The following TMEM163 variants were observed in gnomAD, a reference collection of about 807,000 sequenced individuals.
TMEM163 encodes transmembrane protein 163.
In TMEM163, 17 loss-of-function variants were observed where a neutral mutation model predicts 29.3. The ratio of observed to expected loss-of-function variants is 0.58; its 90% CI spans 0.40 to 0.87. TMEM163 has a LOEUF of 0.87. Among genes scored for constraint, TMEM163 ranks in the 40% least tolerant of loss-of-function variants. The probability of loss-of-function intolerance (pLI) is 0.00; values close to 1 mark genes in which losing one functional copy is unlikely to be tolerated. For synonymous variants in TMEM163, 157 were observed against 160.6 expected (o/e 0.98, Z 0.17); for missense variants, 303 against 381.5 (o/e 0.79, Z 1.71).
chr2:134,456,657 A>C lies in TMEM163; in HGVS notation c.*59T>G. On this transcript the variant is annotated 3_prime_UTR_variant, in exon 8 of 8. Transcript: ENST00000281924. ...ACCAGATGTTCAGTTAAATATTGGCACCCTTTGCCTATGTGGAAACTCCTC... is the reference window on the plus strand; with the variant it reads ...ACCAGATGTTCAGTTAAATATTGGCCCCCTTTGCCTATGTGGAAACTCCTC... 1.3e-6 allele frequency: 2 copies of C among 1,582,220 alleles called. No homozygotes were observed. The highest frequency in any genetic ancestry group is 1.7e-6 in the Non-Finnish European group (2 of 1,154,372).
intron 2 of TMEM163, among the ~76,000 whole-genome samples, chr2:134,565,720 A>G (rs1354985182): frequency 2.6e-5 from 4 of 152,264 alleles, no homozygotes; most frequent in Non-Finnish European, 4.4e-5. Context: ...ACATTGGTCA[A>G]TAGTAGAAAT....
chr2:134,675,351 G>A (rs951640304), intron 2 of TMEM163, among the ~76,000 whole-genome samples: 1 of 152,198 alleles, frequency 6.6e-6, no homozygotes, highest in Non-Finnish European at 1.5e-5. Flanking sequence ...GTAGGCATAA[G>A]GAGAATTTAT....
intron 2 of TMEM163, among the ~76,000 whole-genome samples, chr2:134,573,684 T>C (rs1273273792): frequency 1.3e-5 from 2 of 152,184 alleles, no homozygotes; most frequent in Non-Finnish European, 2.9e-5. Context: ...TTAAGTGCAA[T>C]GACATATAAT....
rs147844426 is a variant in TMEM163, at chr2:134,710,163, C to A, written c.322+3037G>T. 7.9e-5 allele frequency among the ~76,000 whole-genome samples: 12 copies of A among 152,274 alleles called. No homozygotes were observed. In the East Asian group the frequency reaches 2.1e-3, roughly 27 times the overall value. The stretch of plus-strand genomic sequence containing the variant: ...CCACCTTAGGCACATGTTTTTAAGA[C>A]CTCCTGAGACTGTGTCAAAAGCGCG... On this transcript the variant is annotated intron_variant, in intron 2 of 7. Transcript: ENST00000281924.
chr2:134,507,378 A>C lies in TMEM163; in HGVS notation c.459-4381T>G, dbSNP rs549417193. 1.8e-3 allele frequency among the ~76,000 whole-genome samples: 278 copies of C among 150,320 alleles called. 1 individual carries two copies. Among genetic ancestry groups the C allele is most frequent in the African/African-American group, 6.4e-3 (262 of 40,848 alleles). ...TAAATAAATAAATAAATAAATAAAT[A>C]CCCACCGGATCAGTGGTTGTCACAG... On this transcript the variant is annotated intron_variant, in intron 4 of 7. Coordinates refer to ENST00000281924, the MANE Select transcript of TMEM163 (RefSeq NM_030923.5).
At chr2:134,631,455 CAAG>C (rs1682968384) in intron 2 of TMEM163, among the ~76,000 whole-genome samples, 1 of 152,170 alleles carries the variant, frequency 6.6e-6, no homozygotes, top group Non-Finnish European at 1.5e-5. Context: ...CACTAACCCC[CAAG>C]AAGTAGTGAC....
intron 2 of TMEM163, among the ~76,000 whole-genome samples, chr2:134,570,955 T>C (rs1203953759): frequency 1.3e-5 from 2 of 152,220 alleles, no homozygotes; most frequent in East Asian, 1.9e-4. Flanking sequence ...CTCATTTATT[T>C]TGCTTAAACT....
At chr2:134,490,109 C>T (rs541025861) in intron 5 of TMEM163, among the ~76,000 whole-genome samples, 1 of 152,194 alleles carries the variant, frequency 6.6e-6, no homozygotes, top group African/African-American at 2.4e-5. Context: ...CTTTGAGAGA[C>T]AAGTAGACAA....
At chr2:134,650,032 T>C (rs1295882319) in intron 2 of TMEM163, among the ~76,000 whole-genome samples, 2 of 131,290 alleles carry the variant, frequency 1.5e-5, no homozygotes, top group African/African-American at 2.9e-5. Context: ...AAAAGAATGA[T>C]GTAGGTCTGC....
intron 4 of TMEM163, among the ~76,000 whole-genome samples, chr2:134,523,160 A>G (rs992286087): frequency 4.6e-5 from 7 of 152,218 alleles, no homozygotes; most frequent in Non-Finnish European, 1.0e-4. Flanking sequence ...GCTTTGTGTA[A>G]AAAGGGCTTC....
In TMEM163 at chr2:134,506,879, G is replaced by C. The variant is rs143890235; in HGVS notation, c.459-3882C>G. On this transcript the variant is annotated intron_variant, in intron 4 of 7. Coordinates refer to ENST00000281924, the MANE Select transcript of TMEM163 (RefSeq NM_030923.5). ...CAATCCCTGGCCTCAACCCAGAAAG[G>C]CTGGCCTGGCCAGTAACAAGGGCAT... is the stretch of plus-strand genomic sequence containing the variant. Among the ~76,000 whole-genome samples, 27 of 152,332 alleles carry C rather than the reference G, an allele frequency of 1.8e-4. 1 individual carries two copies. The highest frequency in any genetic ancestry group is 3.4e-3 in the Middle Eastern group (1 of 294).
intron 2 of TMEM163, among the ~76,000 whole-genome samples, chr2:134,593,809 AT>A (rs199837410): frequency 0.048 from 6,959 of 144,466 alleles, 191 homozygotes; most frequent in Admixed American, 0.097. Context: ...GACTCTGGGA[AT>A]TTTTTTTTTT....
intron 2 of TMEM163, among the ~76,000 whole-genome samples, chr2:134,664,307 G>T (rs1206342494): frequency 6.6e-6 from 1 of 152,200 alleles, no homozygotes; most frequent in Admixed American, 6.5e-5. Flanking sequence ...GTCAACTTCA[G>T]GGTCCATCAG....
chr2:134,712,450 CT>C (rs11379189), intron 2 of TMEM163, among the ~76,000 whole-genome samples: 22 of 151,370 alleles, frequency 1.5e-4, no homozygotes, highest in Non-Finnish European at 1.8e-4. Flanking sequence ...AAAATGCAGT[CT>C]TTCCCCCGCA....
chr2:134,565,621 A>C lies in TMEM163; in HGVS notation c.323-13530T>G, dbSNP rs182356724. ...AGACTCTGTCTCCAGAAAAAAAAAA[A>C]AACCATACATACATATGGATACTTG... On this transcript the variant is annotated intron_variant, in intron 2 of 7. Coordinates refer to ENST00000281924, the MANE Select transcript of TMEM163 (RefSeq NM_030923.5). 3.2e-3 allele frequency among the ~76,000 whole-genome samples: 492 copies of C among 152,234 alleles called. 3 individuals are homozygous for C. The highest frequency in any genetic ancestry group is 3.3e-3 in the Admixed American group (50 of 15,284).
At chr2:134,582,229 T>A (rs908594829) in intron 2 of TMEM163, among the ~76,000 whole-genome samples, 2 of 152,104 alleles carry the variant, frequency 1.3e-5, no homozygotes, top group African/African-American at 4.8e-5. Context: ...TGTTTTCTCA[T>A]CAACTTCAAA....
At chr2:134,642,908 A>G (rs1574303296) in intron 2 of TMEM163, among the ~76,000 whole-genome samples, 1 of 152,112 alleles carries the variant, frequency 6.6e-6, no homozygotes, top group South Asian at 2.1e-4. Flanking sequence ...ATCTTTTTAA[A>G]GAAGGTAGGT....
In TMEM163 at chr2:134,478,109, T is replaced by G. The variant is rs189799850; in HGVS notation, c.556-11884A>C. ...TGCTCTCACCGTGTGATTCCTTGGC[T>G]TTGCCCTTTACCTTCTACCATGATT... is the stretch of plus-strand genomic sequence containing the variant. On this transcript the variant is annotated intron_variant, in intron 5 of 7. Transcript: ENST00000281924. Among the ~76,000 whole-genome samples, 876 of 152,330 alleles carry G rather than the reference T, an allele frequency of 5.8e-3. 3 individuals are homozygous for G. The highest frequency in any genetic ancestry group is 0.024 in the Middle Eastern group (7 of 294).
At chr2:134,475,153 G>A (rs1203475339) in intron 5 of TMEM163, among the ~76,000 whole-genome samples, 1 of 152,044 alleles carries the variant, frequency 6.6e-6, no homozygotes, top group Admixed American at 6.5e-5. Flanking sequence ...AAGTAATACT[G>A]TCATAAAGCC....
Sources: gnomAD v4.1 joint callset for allele counts (sites outside exome capture counted in the v4.1 genomes callset) on GRCh38, gnomAD v4.1.1 for gene constraint, MANE v1.5 for transcripts, NCBI Gene and HGNC (gene_info 2026-07-23, HGNC 2026-07-21) for gene names.